The following TRPC4AP variants were observed in gnomAD, a reference collection of about 807,000 sequenced individuals.
TRPC4AP encodes short transient receptor potential channel 4-associated protein.
In TRPC4AP, 45 loss-of-function variants were observed where a neutral mutation model predicts 99.0. The ratio of observed to expected loss-of-function variants is 0.45; its 90% CI spans 0.36 to 0.58. The LOEUF is 0.58. TRPC4AP is among the 20% of genes least tolerant of loss of function. The pLI is 0.00. For missense variants in TRPC4AP, 879 were observed against 985.3 expected (o/e 0.89, Z 1.44); for synonymous variants, 408 against 385.8 (o/e 1.06, Z -0.67).
intron 3 of TRPC4AP, among the ~76,000 whole-genome samples, chr20:35,059,080 T>G (rs767889574): frequency 6.6e-6 from 1 of 151,894 alleles, no homozygotes. Flanking sequence ...AAAGGGAGAA[T>G]AAGAGTTGAA....
chr20:35,015,383 A>G (rs910262851), intron 10 of TRPC4AP, among the ~76,000 whole-genome samples: 9 of 152,018 alleles, frequency 5.9e-5, no homozygotes, highest in South Asian at 2.1e-4. Context: ...TGCAGTGGGC[A>G]GCCCCTGCCT....
chr20:35,029,690 C>A (rs1322570010), intron 8 of TRPC4AP, among the ~76,000 whole-genome samples: 2 of 119,724 alleles, frequency 1.7e-5, no homozygotes, highest in Non-Finnish European at 3.2e-5. Flanking sequence ...GGCTGGAGTG[C>A]AGTGGCGCGA....
rs1189612245 is a variant in TRPC4AP, at chr20:35,020,687, A to T, written c.1218+503T>A. Reference sequence around the variant, plus strand: ...TCTCAATAGTCTTGAGGAGGGCCGCACTGTTCCAAGCCCTTTTTCCTCCAC... The same window carrying T: ...TCTCAATAGTCTTGAGGAGGGCCGCTCTGTTCCAAGCCCTTTTTCCTCCAC... On this transcript the variant is annotated intron_variant, in intron 9 of 18. Transcript: ENST00000252015. Among the ~76,000 whole-genome samples the T allele has an allele frequency of 2.0e-5, 3 of 152,204 alleles. No homozygotes were observed. The East Asian group carries it at 5.8e-4, about 29-fold the overall frequency.
At position 35,002,802 on chromosome 20, in the gene TRPC4AP, T is replaced by C; in HGVS notation, c.*344A>G. 4.5e-6 allele frequency: 1 copy of C among 220,266 alleles called. No individual in the cohort carries two copies. The highest frequency in any genetic ancestry group is 2.3e-5 in the African/African-American group (1 of 43,570). The allele number at this position is 220,266 out of a possible 1,614,324, so 13.6% of individuals were successfully genotyped here. On this transcript the variant is annotated 3_prime_UTR_variant, in exon 19 of 19. Transcript: ENST00000252015. ...GGGGTGGGGGTCACCCATATCTTCC[T>C]CCCCACTCTGGGACTGACTGACAGC...
At chr20:35,039,330 T>C (rs2083396940) in intron 7 of TRPC4AP, among the ~76,000 whole-genome samples, 1 of 152,198 alleles carries the variant, frequency 6.6e-6, no homozygotes. Flanking sequence ...ATTCTTGAGC[T>C]GTTGTGAGTC....
chr20:35,026,792 CTAAG>C (rs1281113553), intron 8 of TRPC4AP, among the ~76,000 whole-genome samples: 2 of 151,964 alleles, frequency 1.3e-5, no homozygotes, highest in Admixed American at 6.6e-5. Flanking sequence ...ACTTAAGTTC[CTAAG>C]TATTTTATTT....
chr20:35,038,277 C>CAT (rs1052638392), intron 7 of TRPC4AP, among the ~76,000 whole-genome samples: 1 of 69,546 alleles, frequency 1.4e-5, no homozygotes, highest in African/African-American at 4.7e-5. Flanking sequence ...TTTGAGACAC[C>CAT]ATTTTTTTTT....
At chr20:35,073,474 G>C (rs1218402384) in intron 2 of TRPC4AP, among the ~76,000 whole-genome samples, 5 of 152,184 alleles carry the variant, frequency 3.3e-5, no homozygotes, top group Non-Finnish European at 7.3e-5. Flanking sequence ...TTTATTGAGA[G>C]TTTTCAGCAT....
rs2147271346 is a variant in TRPC4AP at position 35,010,172 on chromosome 20, C to T, written c.1511+15G>A. On this transcript the variant is annotated intron_variant, in intron 12 of 18. Coordinates refer to ENST00000252015, the MANE Select transcript of TRPC4AP (RefSeq NM_015638.3). ...CCGGGATGGGCTGAGGGAAAAGCTG[C>T]ACCCCTGCACTCACCTGTCGGTGTT... The T allele has an allele frequency of 6.2e-7, 1 of 1,612,220 alleles. No individual in the cohort carries two copies. The highest frequency in any genetic ancestry group is 8.5e-7 in the Non-Finnish European group (1 of 1,178,876).
At chr20:35,030,033 G>GCTC (rs2083142627) in intron 8 of TRPC4AP, among the ~76,000 whole-genome samples, 4 of 149,016 alleles carry the variant, frequency 2.7e-5, no homozygotes. Context: ...CCTGAGGTCA[G>GCTC]GAGATCGAGA....
intron 4 of TRPC4AP, 91 bp from the exon 5 acceptor site, chr20:35,055,122 A>AAT: frequency 9.0e-7 from 1 of 1,108,312 alleles, no homozygotes; most frequent in Non-Finnish European, 1.3e-6. Context: ...GAACTGTTAT[A>AAT]ATCCCCTCCA....
chr20:35,007,477 C>G, intron 14 of TRPC4AP, 73 bp downstream of exon 14: 3 of 1,462,732 alleles, frequency 2.1e-6, no homozygotes, highest in Non-Finnish European at 2.9e-6. Context: ...CTGTTTGGGG[C>G]TCAGGACAGG....
intron 3 of TRPC4AP, 97 bp downstream of exon 3, chr20:35,069,199 T>C: frequency 2.8e-6 from 2 of 723,094 alleles, no homozygotes; most frequent in South Asian, 4.1e-5. Flanking sequence ...TGAAATGTTA[T>C]AAATTCTGAA....
intron 10 of TRPC4AP, 102 bp downstream of exon 10, chr20:35,015,906 T>G: frequency 6.8e-7 from 1 of 1,479,856 alleles, no homozygotes; most frequent in East Asian, 2.3e-5. Flanking sequence ...TAGTTTCTGC[T>G]CTACTCCCAA....
intron 6 of TRPC4AP, among the ~76,000 whole-genome samples, chr20:35,048,925 G>A (rs889487970): frequency 1.3e-5 from 2 of 152,194 alleles, no homozygotes; most frequent in African/African-American, 4.8e-5. Flanking sequence ...CAGACAATAG[G>A]CCACTTGTGC....
At chr20:35,004,381 A>G in intron 17 of TRPC4AP, 77 bp downstream of exon 17, 6 of 1,320,874 alleles carry the variant, frequency 4.5e-6, no homozygotes, top group Non-Finnish European at 5.3e-6. Flanking sequence ...TGGGGGACAG[A>G]AACCTGCTGG....
intron 7 of TRPC4AP, among the ~76,000 whole-genome samples, chr20:35,038,752 T>A (rs1246959023): frequency 7.0e-6 from 1 of 143,240 alleles, no homozygotes; most frequent in Non-Finnish European, 1.5e-5. Flanking sequence ...TTAAAAAAAA[T>A]TTTAGGTGTG....
At chr20:35,066,512 C>T (rs6060197) in intron 3 of TRPC4AP, among the ~76,000 whole-genome samples, 59,904 of 151,912 alleles carry the variant, frequency 0.39, 12,979 homozygotes, top group East Asian at 0.59. Flanking sequence ...AATGCCCTCT[C>T]CCTCATGTTC....
intron 1 of TRPC4AP, among the ~76,000 whole-genome samples, chr20:35,080,291 A>T (rs1266783989): frequency 3.3e-5 from 5 of 151,738 alleles, no homozygotes; most frequent in Non-Finnish European, 7.4e-5. Context: ...ACTTGAGCTC[A>T]CAAGTACAAG....
Sources: allele counts gnomAD v4.1 joint callset (sites outside exome capture counted in the v4.1 genomes callset), GRCh38; gene constraint gnomAD v4.1.1; transcripts MANE v1.5; gene names NCBI Gene and HGNC (gene_info 2026-07-23, HGNC 2026-07-21).